Variants in EXT2 observed in about 807,000 individuals in gnomAD.
EXT2 encodes the protein exostosin-2.
A neutral mutation model predicts 81.6 loss-of-function variants in EXT2; 53 were observed. That is an observed-to-expected ratio of 0.65 (90% CI 0.52 to 0.82). The LOEUF (loss-of-function observed/expected upper bound fraction) is 0.82. Among genes scored for constraint, EXT2 ranks in the 40% least tolerant of loss-of-function variants. The pLI is 0.00. For missense variants in EXT2, 774 were observed against 910.2 expected (o/e 0.85, Z 1.93); for synonymous variants, 320 against 340.0 (o/e 0.94, Z 0.65).
chr11:44,100,396 G>A (rs1386220574), intron 1 of EXT2, among the ~76,000 whole-genome samples: 7 of 152,164 alleles, frequency 4.6e-5, no homozygotes, highest in African/African-American at 1.4e-4. Context: ...GTAACCCCTG[G>A]TACTCTCTAA....
At chr11:44,236,221 T>C in intron 12 of EXT2, 72 bp from the exon 13 acceptor site, 1 of 1,288,980 alleles carries the variant, frequency 7.8e-7, no homozygotes, top group East Asian at 2.3e-5. Context: ...AAGAATGCAG[T>C]GTGGTGTCAC....
At chr11:44,189,149 T>C (rs976916439) in intron 8 of EXT2, among the ~76,000 whole-genome samples, 1 of 152,226 alleles carries the variant, frequency 6.6e-6, no homozygotes, top group Admixed American at 6.5e-5. Context: ...GTTAGTTCAG[T>C]ACCCCCAAAT....
intron 6 of EXT2, 74 bp from the exon 7 acceptor site, chr11:44,129,971 G>C: frequency 8.6e-7 from 1 of 1,167,846 alleles, no homozygotes; most frequent in South Asian, 1.2e-5. Context: ...CTTGTGAAAT[G>C]AAACAAGACT....
chr11:44,174,247 A>G (rs961613396), intron 8 of EXT2, among the ~76,000 whole-genome samples: 8 of 152,086 alleles, frequency 5.3e-5, no homozygotes, highest in African/African-American at 1.9e-4. Context: ...TTAGACATTT[A>G]TTTGTTCAGT....
At chr11:44,133,355 T>C (rs1954521292) in intron 7 of EXT2, among the ~76,000 whole-genome samples, 1 of 152,090 alleles carries the variant, frequency 6.6e-6, no homozygotes, top group Non-Finnish European at 1.5e-5. Flanking sequence ...AGGTCAGAGG[T>C]GGGTCTTTTT....
chr11:44,096,081 G>T, intron 1 of EXT2: 1 of 691,678 alleles, frequency 1.4e-6, no homozygotes, highest in South Asian at 1.5e-5. Context: ...TTCTCCTCCG[G>T]CGGCGGCCGC....
intron 3 of EXT2, among the ~76,000 whole-genome samples, chr11:44,111,093 A>G (rs1590551981): frequency 1.3e-5 from 2 of 152,360 alleles, no homozygotes; most frequent in Admixed American, 1.3e-4. Flanking sequence ...GGGCTAGATT[A>G]GACTGCTTTA....
At chr11:44,240,016 G>A (rs1323593067) in intron 13 of EXT2, among the ~76,000 whole-genome samples, 2 of 152,094 alleles carry the variant, frequency 1.3e-5, no homozygotes, top group Non-Finnish European at 2.9e-5. Flanking sequence ...CAACATAAAT[G>A]CTATGTAAAT....
At chr11:44,143,144 G>T (rs1340355978) in intron 7 of EXT2, among the ~76,000 whole-genome samples, 2 of 152,124 alleles carry the variant, frequency 1.3e-5, no homozygotes, top group African/African-American at 2.4e-5. Context: ...TAGAGACAGG[G>T]TTTCACTATG....
chr11:44,136,638 T>G (rs564810603), intron 7 of EXT2, among the ~76,000 whole-genome samples: 9 of 152,350 alleles, frequency 5.9e-5, no homozygotes, highest in African/African-American at 2.2e-4. Flanking sequence ...TGTCTACCAT[T>G]CTTATCCACC....
intron 7 of EXT2, among the ~76,000 whole-genome samples, chr11:44,144,646 G>A (rs1441601954): frequency 6.6e-6 from 1 of 152,126 alleles, no homozygotes; most frequent in East Asian, 1.9e-4. Context: ...TGATACCCCT[G>A]AGACTTGAAA....
intron 13 of EXT2, among the ~76,000 whole-genome samples, chr11:44,237,303 C>G (rs987759887): frequency 6.6e-6 from 1 of 152,068 alleles, no homozygotes; most frequent in South Asian, 2.1e-4. Context: ...AAAGTTGTTT[C>G]AGTTGGCCTG....
At chr11:44,147,954 C>T (rs544284054) in intron 7 of EXT2, among the ~76,000 whole-genome samples, 7 of 152,188 alleles carry the variant, frequency 4.6e-5, no homozygotes, top group South Asian at 2.1e-4. Flanking sequence ...CTGAGCATCA[C>T]GCTTGGAGCA....
chr11:44,214,208 G>A (rs979784716), intron 10 of EXT2, among the ~76,000 whole-genome samples: 14 of 152,184 alleles, frequency 9.2e-5, no homozygotes, highest in African/African-American at 3.1e-4. Flanking sequence ...CCGCCTCCCG[G>A]GTTCACGCCA....
chr11:44,132,390 G>A (rs776833255), intron 7 of EXT2, among the ~76,000 whole-genome samples: 11 of 152,208 alleles, frequency 7.2e-5, no homozygotes, highest in African/African-American at 1.4e-4. Context: ...TTAAAACAGC[G>A]TACTTTTGGG....
At chr11:44,195,893 A>G (rs1955449994) in intron 8 of EXT2, among the ~76,000 whole-genome samples, 1 of 152,238 alleles carries the variant, frequency 6.6e-6, no homozygotes, top group African/African-American at 2.4e-5. Flanking sequence ...AAAATGGCAA[A>G]TTTAATATTA....
chr11:44,160,871 T>A (rs567642317), intron 7 of EXT2, among the ~76,000 whole-genome samples: 6 of 152,236 alleles, frequency 3.9e-5, no homozygotes, highest in African/African-American at 1.4e-4. Flanking sequence ...GGTTTTTAGC[T>A]GATTCTTTAG....
intron 10 of EXT2, among the ~76,000 whole-genome samples, chr11:44,229,914 CGTGGAATACCACA>C (rs1955879354): frequency 6.6e-6 from 1 of 152,128 alleles, no homozygotes; most frequent in South Asian, 2.1e-4. Flanking sequence ...GTTCTTTGTG[CGTGGAATACCACA>C]GTGTATAAAA....
intron 8 of EXT2, among the ~76,000 whole-genome samples, chr11:44,187,037 CCT>C (rs1955323275): frequency 6.8e-6 from 1 of 147,364 alleles, no homozygotes; most frequent in Non-Finnish European, 1.5e-5. Flanking sequence ...TTCCTTCCTT[CCT>C]TCCTTCCCTC....
Sources: allele counts gnomAD v4.1 joint callset (sites outside exome capture counted in the v4.1 genomes callset), GRCh38; gene constraint gnomAD v4.1.1; transcripts MANE v1.5; gene names NCBI Gene and HGNC (gene_info 2026-07-23, HGNC 2026-07-21).